The following LPP variants were observed in gnomAD, a reference collection of about 807,000 sequenced individuals.
LPP encodes the protein LIM domain containing preferred translocation partner in lipoma, also known as lipoma-preferred partner.
In LPP, 38 loss-of-function variants were observed where a neutral mutation model predicts 60.4. The observed-to-expected ratio is 0.63, with a 90% confidence interval of 0.49 to 0.83. The LOEUF is 0.83. LPP is among the 40% of genes least tolerant of loss of function. LPP has a pLI of 0.00. For synonymous variants in LPP, 328 were observed against 290.8 expected (o/e 1.13, Z -1.30); for missense variants, 902 against 783.6 (o/e 1.15, Z -1.80).
intron 7 of LPP, among the ~76,000 whole-genome samples, chr3:188,687,931 T>C (rs573203121): frequency 6.6e-6 from 1 of 152,212 alleles, no homozygotes; most frequent in South Asian, 2.1e-4. Context: ...CCCATCACCA[T>C]GCCTGGCTAA....
At chr3:188,541,854 AC>A (rs1825275090) in intron 6 of LPP, among the ~76,000 whole-genome samples, 1 of 151,968 alleles carries the variant, frequency 6.6e-6, no homozygotes, top group South Asian at 2.1e-4. Flanking sequence ...CCGAGATTGC[AC>A]CCCTGCACTC....
chr3:188,272,182 T>C (rs1737980520), intron 2 of LPP, among the ~76,000 whole-genome samples: 1 of 152,198 alleles, frequency 6.6e-6, no homozygotes, highest in African/African-American at 2.4e-5. Context: ...ATTTGAGGCC[T>C]TCATTTCTCC....
chr3:188,428,596 A>AT (rs3057781), intron 4 of LPP, among the ~76,000 whole-genome samples: 2,979 of 142,640 alleles, frequency 0.021, 67 homozygotes, highest in African/African-American at 0.056. Flanking sequence ...ATATATATAT[A>AT]TTTTTTTTTT....
At chr3:188,805,258 T>C (rs1178820187) in intron 9 of LPP, among the ~76,000 whole-genome samples, 1 of 152,040 alleles carries the variant, frequency 6.6e-6, no homozygotes, top group Non-Finnish European at 1.5e-5. Context: ...GAAGAATTTG[T>C]ATGGAATTGG....
intron 4 of LPP, among the ~76,000 whole-genome samples, chr3:188,484,081 C>T (rs1410952825): frequency 6.6e-6 from 1 of 152,128 alleles, no homozygotes; most frequent in African/African-American, 2.4e-5. Flanking sequence ...CCTACATTCT[C>T]CTGTCTCTCT....
chr3:188,263,810 C>T (rs1375368731), intron 2 of LPP, among the ~76,000 whole-genome samples: 1 of 152,196 alleles, frequency 6.6e-6, no homozygotes, highest in Non-Finnish European at 1.5e-5. Context: ...TGGGAGCGTC[C>T]TCTCATTTTC....
chr3:188,632,399 G>A (rs188941567), intron 7 of LPP, among the ~76,000 whole-genome samples: 1 of 152,274 alleles, frequency 6.6e-6, no homozygotes, highest in Admixed American at 6.5e-5. Flanking sequence ...GGCCTGGGTG[G>A]GGAGACTGGG....
intron 10 of LPP, among the ~76,000 whole-genome samples, chr3:188,872,185 A>G (rs1158354712): frequency 1.3e-5 from 2 of 152,180 alleles, no homozygotes; most frequent in Admixed American, 6.5e-5. Flanking sequence ...TTTCCAAGAA[A>G]GAAGCTCTAA....
intron 9 of LPP, among the ~76,000 whole-genome samples, chr3:188,825,819 T>C (rs974705567): frequency 1.3e-5 from 2 of 152,152 alleles, no homozygotes; most frequent in African/African-American, 4.8e-5. Flanking sequence ...AGGGCAATCT[T>C]AAGGGAAATC....
chr3:188,252,435 CATT>C (rs1414300942), intron 2 of LPP, among the ~76,000 whole-genome samples: 2 of 147,062 alleles, frequency 1.4e-5, no homozygotes, highest in African/African-American at 5.0e-5. Flanking sequence ...CAATGAATAA[CATT>C]ATGCATATGT....
chr3:188,814,606 G>A (rs1217012206), intron 9 of LPP, among the ~76,000 whole-genome samples: 2 of 152,114 alleles, frequency 1.3e-5, no homozygotes, highest in Admixed American at 6.5e-5. Flanking sequence ...TAAAATTCTT[G>A]TTGTTCCTCA....
chr3:188,529,246 T>A (rs1333846659), intron 6 of LPP, among the ~76,000 whole-genome samples: 1 of 152,208 alleles, frequency 6.6e-6, no homozygotes, highest in Non-Finnish European at 1.5e-5. Flanking sequence ...TAGTAGACGG[T>A]GTTGTGTTAT....
chr3:188,475,426 A>T (rs1041691097), intron 4 of LPP, among the ~76,000 whole-genome samples: 8 of 152,106 alleles, frequency 5.3e-5, no homozygotes, highest in African/African-American at 1.4e-4. Flanking sequence ...TTGGTTTTTT[A>T]AAAAAATGCA....
In LPP at chr3:188,760,083, T is replaced by G. The variant is rs898156310; in HGVS notation, c.1241-30T>G. 6 of 1,610,832 alleles carry G rather than the reference T, an allele frequency of 3.7e-6. No homozygotes were observed. In the Middle Eastern group the frequency reaches 7.6e-4, roughly 204 times the overall value. On this transcript the variant is annotated intron_variant, in intron 8 of 11. Transcript: ENST00000617246. ...TTAGCAGGACTGAAGTACTCCTTGG[T>G]GTGTTCTTATCAAACCCTTTTTTTT... is the stretch of plus-strand genomic sequence containing the variant.
intron 4 of LPP, among the ~76,000 whole-genome samples, chr3:188,407,799 T>TTTTTTTTTTTTTTGTTTTTTTTG (rs1445752397): frequency 1.4e-5 from 2 of 138,480 alleles, no homozygotes; most frequent in Non-Finnish European, 3.1e-5. Flanking sequence ...TTTTTTTTTT[T>TTTTTTTTTTTTTTGTTTTTTTTG]TTTTTTTTGA....
intron 1 of LPP, among the ~76,000 whole-genome samples, chr3:188,203,586 T>G (rs1326201237): frequency 9.2e-6 from 1 of 108,426 alleles, no homozygotes; most frequent in African/African-American, 3.7e-5. Context: ...TAAATATATA[T>G]ATATTTAAAT....
chr3:188,457,885 G>T lies in LPP; in HGVS notation c.194-26707G>T, dbSNP rs148379923. Among the ~76,000 whole-genome samples, 227 of 152,058 alleles carry T rather than the reference G, an allele frequency of 1.5e-3. 1 individual carries two copies. Among genetic ancestry groups the T allele is most frequent in the African/African-American group, 5.2e-3 (217 of 41,462 alleles). On this transcript the variant is annotated intron_variant, in intron 4 of 11. Transcript: ENST00000617246. ...GATCACGCCCCTGCACTCCAGCCTG[G>T]GTGACAGAGTGAGACTCCGTCTCAA...
At chr3:188,739,662 G>C (rs2150152568) in intron 8 of LPP, among the ~76,000 whole-genome samples, 1 of 152,100 alleles carries the variant, frequency 6.6e-6, no homozygotes, top group South Asian at 2.1e-4. Context: ...TTCCCTTCCA[G>C]GGAGTTAGTT....
In LPP at chr3:188,398,601, C is replaced by T. The variant is rs955151156; in HGVS notation, c.-9-7511C>T. On this transcript the variant is annotated intron_variant, in intron 3 of 11. Transcript: ENST00000617246. ...CAGCCCATGGTAGATCCTGCTTTGC[C>T]CTTCCGGCTCTATGTGACCTGATGC... Among the ~76,000 whole-genome samples, 4 of 152,186 alleles carry T rather than the reference C, an allele frequency of 2.6e-5. No individual in the cohort carries two copies. In the East Asian group the frequency reaches 7.7e-4, roughly 29 times the overall value.
Sources: gnomAD v4.1 joint callset for allele counts (sites outside exome capture counted in the v4.1 genomes callset) on GRCh38, gnomAD v4.1.1 for gene constraint, MANE v1.5 for transcripts, NCBI Gene and HGNC (gene_info 2026-07-23, HGNC 2026-07-21) for gene names.